The following MGAT4C variants were observed in gnomAD, a reference collection of about 807,000 sequenced individuals.
MGAT4C encodes MGAT4 family member C.
In MGAT4C, 19 loss-of-function variants were observed where a neutral mutation model predicts 40.1. That is an observed-to-expected ratio of 0.47 (90% CI 0.33 to 0.70). The LOEUF is 0.70. Ranked by LOEUF, MGAT4C falls within the 30% of genes least tolerant of loss-of-function variation. The pLI, the probability that MGAT4C is intolerant of heterozygous loss-of-function variation, is 0.02. For missense variants in MGAT4C, 491 were observed against 563.2 expected (o/e 0.87, Z 1.30); for synonymous variants, 181 against 187.1 (o/e 0.97, Z 0.27).
rs143477193 is a variant in MGAT4C, at chr12:86,000,698, T to A, written c.-6-11146A>T. ...AGCATTTTTATTAAATTTTATTTGA[T>A]AACATTTTAAGTAATTTTATGAATA... On this transcript the variant is annotated intron_variant, in intron 2 of 4. Coordinates refer to ENST00000611864, the MANE Select transcript of MGAT4C (RefSeq NM_001351288.2). 2.1e-3 allele frequency among the ~76,000 whole-genome samples: 322 copies of A among 152,316 alleles called. 2 individuals carry two copies. The highest frequency in any genetic ancestry group is 7.2e-3 in the African/African-American group (298 of 41,570).
intron 3 of MGAT4C, among the ~76,000 whole-genome samples, chr12:86,432,863 T>C (rs1565758926): frequency 1.3e-5 from 2 of 152,166 alleles, no homozygotes; most frequent in South Asian, 2.1e-4. Flanking sequence ...GCATCCTGTT[T>C]GTAAACTTTA....
At chr12:86,380,588 G>A (rs143697644) in intron 3 of MGAT4C, among the ~76,000 whole-genome samples, 66 of 152,188 alleles carry the variant, frequency 4.3e-4, no homozygotes, top group Middle Eastern at 3.4e-3. Flanking sequence ...GAATGAATAC[G>A]TGAAAAATCA....
chr12:86,124,106 A>G (rs772836579), intron 1 of MGAT4C, among the ~76,000 whole-genome samples: 3 of 152,140 alleles, frequency 2.0e-5, no homozygotes, highest in African/African-American at 4.8e-5. Flanking sequence ...TTTTTCAAAG[A>G]TAACACGGAC....
At chr12:86,757,558 G>T (rs1951326818) in intron 1 of MGAT4C, among the ~76,000 whole-genome samples, 1 of 152,100 alleles carries the variant, frequency 6.6e-6, no homozygotes, top group African/African-American at 2.4e-5. Flanking sequence ...CCCATGGAAA[G>T]CTTAGTCTTT....
At chr12:86,117,288 G>A (rs1566006854) in intron 1 of MGAT4C, among the ~76,000 whole-genome samples, 5 of 151,900 alleles carry the variant, frequency 3.3e-5, no homozygotes, top group African/African-American at 9.7e-5. Flanking sequence ...ACACACTGAA[G>A]TGAACTAGGA....
At chr12:86,377,534 A>G (rs886296883) in intron 3 of MGAT4C, among the ~76,000 whole-genome samples, 1 of 152,194 alleles carries the variant, frequency 6.6e-6, no homozygotes, top group Non-Finnish European at 1.5e-5. Flanking sequence ...TTTAATCCCA[A>G]CAATGAACTA....
In MGAT4C at chr12:86,166,667, C is replaced by CA. The variant is rs890107719; in HGVS notation, c.-57+89571dup. On this transcript the variant is annotated intron_variant, in intron 1 of 4. Coordinates refer to ENST00000611864, the MANE Select transcript of MGAT4C (RefSeq NM_001351288.2). ...AGCCTGGGAGACAGTGAGAAGGTCTCAAAAAAAAAGTCTATTAAATAACTA... is the reference window on the plus strand; with the variant it reads ...AGCCTGGGAGACAGTGAGAAGGTCTCAAAAAAAAAAGTCTATTAAATAACTA... Among the ~76,000 whole-genome samples, 57 of 149,590 alleles carry CA rather than the reference C, an allele frequency of 3.8e-4. 2 individuals carry two copies. In the South Asian group the frequency reaches 0.012, roughly 30 times the overall value.
At position 86,150,086 on chromosome 12, in the gene MGAT4C, C is replaced by T. The variant is rs565020213; in HGVS notation, c.-56-100363G>A. Among the ~76,000 whole-genome samples, 6 of 152,172 alleles carry T rather than the reference C, an allele frequency of 3.9e-5. No individual in the cohort carries two copies. In the South Asian group the frequency reaches 1.2e-3, roughly 32 times the overall value. On this transcript the variant is annotated intron_variant, in intron 1 of 4. Coordinates refer to ENST00000611864, the MANE Select transcript of MGAT4C (RefSeq NM_001351288.2). ...TGGTTTCAGGATGAAACTGTTCCAC[C>T]TCAGATCATCAGGCATTAGTTAGAT... is the stretch of plus-strand genomic sequence containing the variant.
Position 85,979,208 on chromosome 12 carries a change from G to A in MGAT4C, c.*81C>T. 1 of 1,137,880 alleles carries A rather than the reference G, an allele frequency of 8.8e-7. No homozygotes were observed. The allele number at this position is 1,137,880 out of a possible 1,614,324, so 70.5% of individuals were successfully genotyped here. A position where few individuals can be genotyped will look rare whatever the true frequency, so the allele number is the denominator to read the frequency against. Reference sequence around the variant, plus strand: ...TTTCTTTTAACATATCCCATCCATTGCTTTCCCTCCAAAAGACAAAGGTAG... The same window carrying A: ...TTTCTTTTAACATATCCCATCCATTACTTTCCCTCCAAAAGACAAAGGTAG... On this transcript the variant is annotated 3_prime_UTR_variant, in exon 5 of 5. Transcript: ENST00000611864.
chr12:86,783,455 T>TTTTTTTTTTTTTTTTTTTTTTTTGAG (rs1951877904), intron 1 of MGAT4C, among the ~76,000 whole-genome samples: 12 of 152,020 alleles, frequency 7.9e-5, no homozygotes, highest in Non-Finnish European at 1.5e-4. Context: ...TAGAGCTTCT[T>TTTTTTTTTTTTTTTTTTTTTTTTGAG]ATCCATCTTC....
chr12:86,462,561 A>T (rs1957617589), intron 2 of MGAT4C, among the ~76,000 whole-genome samples: 1 of 152,190 alleles, frequency 6.6e-6, no homozygotes, highest in South Asian at 2.1e-4. Flanking sequence ...TCACACAATC[A>T]CAAGGTGAAG....
intron 3 of MGAT4C, among the ~76,000 whole-genome samples, chr12:86,421,254 A>G (rs1381876025): frequency 5.9e-5 from 9 of 152,166 alleles, no homozygotes; most frequent in Admixed American, 3.9e-4. Flanking sequence ...TGTTTAGGCT[A>G]TACCTATGGT....
intron 1 of MGAT4C, among the ~76,000 whole-genome samples, chr12:86,732,325 G>A (rs901801923): frequency 2.6e-5 from 4 of 152,180 alleles, no homozygotes; most frequent in Admixed American, 1.3e-4. Flanking sequence ...TTCACAGACC[G>A]GGGTGGGGGC....
At chr12:86,308,079 G>A (rs186033093) in intron 4 of MGAT4C, among the ~76,000 whole-genome samples, 4 of 148,318 alleles carry the variant, frequency 2.7e-5, no homozygotes, top group Admixed American at 2.7e-4. Flanking sequence ...GTGTTATGTT[G>A]TATTATTTGT....
At chr12:86,451,195 T>C (rs1011273190) in intron 2 of MGAT4C, among the ~76,000 whole-genome samples, 4 of 152,124 alleles carry the variant, frequency 2.6e-5, no homozygotes, top group African/African-American at 7.2e-5. Context: ...AGGGGGTTCT[T>C]GTGAGATCTG....
At chr12:86,466,687 A>G (rs1957686896) in intron 2 of MGAT4C, among the ~76,000 whole-genome samples, 1 of 152,174 alleles carries the variant, frequency 6.6e-6, no homozygotes, top group South Asian at 2.1e-4. Flanking sequence ...TAAACTATGG[A>G]GTTTGAGTTA....
Position 86,006,731 on chromosome 12 carries a change from G to A in MGAT4C, c.-6-17179C>T, listed in dbSNP as rs556481633. Among the ~76,000 whole-genome samples the A allele has an allele frequency of 2.0e-5, 3 of 152,174 alleles. No individual in the cohort carries two copies. In the South Asian group the frequency reaches 6.2e-4, roughly 32 times the overall value. On this transcript the variant is annotated intron_variant, in intron 2 of 4. Coordinates refer to ENST00000611864, the MANE Select transcript of MGAT4C (RefSeq NM_001351288.2). ...TTTTTCATCCACCACCATCCCTCAA[G>A]TAATGACTGACAAATCTATCTTGCC... is the stretch of plus-strand genomic sequence containing the variant.
At chr12:86,358,012 CA>C (rs1955357280) in intron 3 of MGAT4C, among the ~76,000 whole-genome samples, 1 of 151,966 alleles carries the variant, frequency 6.6e-6, no homozygotes, top group African/African-American at 2.4e-5. Context: ...AGAACAACCC[CA>C]AAACACATAA....
At chr12:86,823,200 G>A (rs1280117987) in intron 1 of MGAT4C, among the ~76,000 whole-genome samples, 1 of 148,606 alleles carries the variant, frequency 6.7e-6, no homozygotes, top group Non-Finnish European at 1.5e-5. Context: ...TAATCAAATT[G>A]CACATTTCAA....
Sources: allele counts gnomAD v4.1 joint callset (sites outside exome capture counted in the v4.1 genomes callset), GRCh38; gene constraint gnomAD v4.1.1; transcripts MANE v1.5; gene names NCBI Gene and HGNC (gene_info 2026-07-23, HGNC 2026-07-21).